LARGE1: variants seen among roughly 807,000 people sequenced by gnomAD.
LARGE1 encodes the protein xylosyl- and glucuronyltransferase LARGE1.
Under a neutral mutation model 87.6 loss-of-function variants are expected in LARGE1, and 43 were observed. The observed-to-expected ratio is 0.49, with a 90% CI of 0.38 to 0.63. LARGE1 has a LOEUF of 0.63. LARGE1 is among the 30% of genes least tolerant of loss of function. The pLI, the probability that LARGE1 is intolerant of heterozygous loss-of-function variation, is 0.00. For missense variants in LARGE1, 802 were observed against 1,000.2 expected, an observed-to-expected ratio of 0.80 and a Z score of 2.67; for synonymous variants, 434 against 394.6, an observed-to-expected ratio of 1.10 and a Z score of -1.18.
chr22:33,398,626 A>C lies in LARGE1; in HGVS notation c.893-14322T>G, dbSNP rs111474008. On this transcript the variant is annotated intron_variant, in intron 7 of 14. Coordinates refer to ENST00000397394, the MANE Select transcript of LARGE1 (RefSeq NM_133642.5). ...TGGGTTGAATTATGTCCTTTCCAAA[A>C]GGTATGTCCAAGTCCTGACCCCCAA... Among the ~76,000 whole-genome samples, 436 of 152,320 alleles carry C rather than the reference A, an allele frequency of 2.9e-3. 6 individuals are homozygous for C. The South Asian group carries it at 0.031, about 11-fold the overall frequency.
At chr22:33,178,735 G>A (rs1430064827) in intron 11 of LARGE1, among the ~76,000 whole-genome samples, 1 of 152,052 alleles carries the variant, frequency 6.6e-6, no homozygotes, top group Non-Finnish European at 1.5e-5. Context: ...GTATACCAAT[G>A]TGAATTTAGT....
intron 6 of LARGE1, among the ~76,000 whole-genome samples, chr22:33,508,911 C>G (rs1277565254): frequency 6.6e-6 from 1 of 152,194 alleles, no homozygotes; most frequent in African/African-American, 2.4e-5. Context: ...GTTTTCCTCT[C>G]TAGAGTCATT....
At chr22:33,687,714 C>A (rs891945342) in intron 2 of LARGE1, among the ~76,000 whole-genome samples, 1 of 152,006 alleles carries the variant, frequency 6.6e-6, no homozygotes, top group East Asian at 1.9e-4. Context: ...GAGGAGCGCT[C>A]GGGACCGATG....
chr22:33,149,106 C>T, the LARGE1 span, among the ~76,000 whole-genome samples: 1 of 149,762 alleles, frequency 6.7e-6, no homozygotes, highest in Admixed American at 6.7e-5. Flanking sequence ...GGCGCGATCT[C>T]GGCTCACTGC....
chr22:33,562,155 C>T (rs990825163), intron 6 of LARGE1, among the ~76,000 whole-genome samples: 1 of 152,226 alleles, frequency 6.6e-6, no homozygotes, highest in African/African-American at 2.4e-5. Flanking sequence ...TCTTCCTATT[C>T]CATGACCTGG....
intron 1 of LARGE1, among the ~76,000 whole-genome samples, chr22:33,847,241 G>A (rs1229720082): frequency 6.6e-6 from 1 of 152,152 alleles, no homozygotes; most frequent in African/African-American, 2.4e-5. Flanking sequence ...TCCATCAAGA[G>A]GCACATGACA....
intron 6 of LARGE1, among the ~76,000 whole-genome samples, chr22:33,505,412 T>G (rs1038323385): frequency 1.1e-4 from 17 of 152,228 alleles, no homozygotes; most frequent in African/African-American, 3.6e-4. Context: ...ACTAATCCTC[T>G]GCCCAGCTCA....
At chr22:33,163,914 T>C (rs1351375391) in exon 12 of LARGE1, 1 of 152,248 alleles carries the variant, frequency 6.6e-6, no homozygotes, top group African/African-American at 2.4e-5. Context: ...ATAACAAAGA[T>C]AGCACCACTT....
At chr22:33,524,017 G>C (rs1018374050) in intron 6 of LARGE1, among the ~76,000 whole-genome samples, 6 of 152,058 alleles carry the variant, frequency 3.9e-5, no homozygotes, top group African/African-American at 1.4e-4. Flanking sequence ...GCCCAGCCGG[G>C]TGTGGTGGTT....
At chr22:33,900,313 G>A (rs1383970798) in intron 1 of LARGE1, among the ~76,000 whole-genome samples, 2 of 152,134 alleles carry the variant, frequency 1.3e-5, no homozygotes, top group African/African-American at 2.4e-5. Flanking sequence ...CTCACTCTAC[G>A]TTTCCACCAA....
intron 5 of LARGE1, among the ~76,000 whole-genome samples, chr22:33,569,945 G>A (rs1227616388): frequency 6.6e-6 from 1 of 152,220 alleles, no homozygotes; most frequent in Non-Finnish European, 1.5e-5. Flanking sequence ...CCAGGCCTGA[G>A]TTCATTTTTC....
chr22:33,370,780 AAATATT>A (rs1471866091), intron 9 of LARGE1, among the ~76,000 whole-genome samples: 1 of 150,296 alleles, frequency 6.7e-6, no homozygotes, highest in East Asian at 1.9e-4. Flanking sequence ...ATTGCATTAT[AAATATT>A]AATATTATCA....
At chr22:33,179,322 G>A (rs1923041728) in intron 11 of LARGE1, among the ~76,000 whole-genome samples, 1 of 152,124 alleles carries the variant, frequency 6.6e-6, no homozygotes, top group South Asian at 2.1e-4. Flanking sequence ...AATGAGATTG[G>A]AGCACTAGAA....
At chr22:33,565,536 C>G (rs73882263) in intron 5 of LARGE1, among the ~76,000 whole-genome samples, 4,689 of 151,712 alleles carry the variant, frequency 0.031, 162 homozygotes, top group African/African-American at 0.087. Flanking sequence ...ATTACTACTG[C>G]TGCCTTCTCT....
chr22:33,282,460 C>T (rs1409053478), intron 13 of LARGE1, among the ~76,000 whole-genome samples: 1 of 152,250 alleles, frequency 6.6e-6, no homozygotes, highest in Non-Finnish European at 1.5e-5. Flanking sequence ...AGGCCACCTA[C>T]TTTCCCCTGG....
chr22:33,675,320 A>G (rs1354830920), intron 2 of LARGE1, among the ~76,000 whole-genome samples: 5 of 147,468 alleles, frequency 3.4e-5, no homozygotes, highest in South Asian at 2.2e-4. Flanking sequence ...AAAAAAAAAG[A>G]ACACAAGAGC....
chr22:33,587,566 A>G (rs2078712777), intron 5 of LARGE1, among the ~76,000 whole-genome samples: 1 of 151,918 alleles, frequency 6.6e-6, no homozygotes, highest in Non-Finnish European at 1.5e-5. Context: ...GCGAGTCTGT[A>G]TTTCCTATTT....
chr22:33,157,586 A>T (rs574305393), downstream of LARGE1, among the ~76,000 whole-genome samples: 1 of 152,064 alleles, frequency 6.6e-6, no homozygotes, highest in South Asian at 2.1e-4. Context: ...TCTGCATAAA[A>T]CTCATTTTCC....
intron 11 of LARGE1, among the ~76,000 whole-genome samples, chr22:33,305,261 G>C (rs895900171): frequency 1.3e-5 from 2 of 151,352 alleles, no homozygotes; most frequent in African/African-American, 4.9e-5. Flanking sequence ...CTCGTCTTCA[G>C]AGCCCCTACT....
Sources: allele counts gnomAD v4.1 joint callset (sites outside exome capture counted in the v4.1 genomes callset), GRCh38; gene constraint gnomAD v4.1.1; transcripts MANE v1.5; gene names NCBI Gene and HGNC (gene_info 2026-07-23, HGNC 2026-07-21).